The following MIS18BP1 variants were observed in gnomAD, a reference collection of about 807,000 sequenced individuals.
The protein encoded by MIS18BP1 is MIS18 binding protein 1.
MIS18BP1 carries 72 observed loss-of-function variants against 116.1 expected under a neutral mutation model. The ratio of observed to expected loss-of-function variants is 0.62; its 90% confidence interval spans 0.51 to 0.75. The LOEUF (loss-of-function observed/expected upper bound fraction) is 0.75. Ranked by LOEUF, MIS18BP1 falls within the 30% of genes least tolerant of loss-of-function variation. MIS18BP1 has a pLI of 0.00. For missense variants in MIS18BP1, 1,363 were observed against 1,303.2 expected, an observed-to-expected ratio of 1.05 and a Z score of -0.71; for synonymous variants, 386 against 427.0, an observed-to-expected ratio of 0.90 and a Z score of 1.18.
At chr14:45,226,714 T>A in intron 10 of MIS18BP1, 29 bp downstream of exon 10, 1 of 1,321,734 alleles carries the variant, frequency 7.6e-7, no homozygotes, top group Non-Finnish European at 9.9e-7. Flanking sequence ...TTTCTGCTTA[T>A]GATTAAAAAA....
intron 8 of MIS18BP1, 67 bp downstream of exon 8, chr14:45,231,074 C>T: frequency 6.6e-7 from 1 of 1,513,558 alleles, no homozygotes; most frequent in South Asian, 1.2e-5. Flanking sequence ...CATTATAAAC[C>T]ATAAACAATG....
chr14:45,207,650 C>A (rs941270100), intron 14 of MIS18BP1, among the ~76,000 whole-genome samples: 11 of 152,078 alleles, frequency 7.2e-5, no homozygotes, highest in African/African-American at 2.4e-4. Context: ...CACAAACAAA[C>A]AAAAAACAAA....
chr14:45,206,751 G>A (rs926731278), intron 14 of MIS18BP1, among the ~76,000 whole-genome samples: 13 of 151,836 alleles, frequency 8.6e-5, no homozygotes, highest in South Asian at 6.2e-4. Flanking sequence ...TCATTGTACC[G>A]TCTACGCTCT....
chr14:45,247,055 T>C lies in MIS18BP1; in HGVS notation c.232A>G (p.Thr78Ala), dbSNP rs1288544931. 3 of 1,613,250 alleles carry C rather than the reference T, an allele frequency of 1.9e-6. No homozygotes were observed. Among genetic ancestry groups the C allele is most frequent in the Middle Eastern group, 1.7e-4 (1 of 6,056 alleles). Residue 78 changes from threonine (T) to alanine (A), a missense_variant, in exon 2 of 17, where the codon ACT (threonine) becomes GCT (alanine). By Grantham distance (58) the Thr-to-Ala change is moderately conservative (BLOSUM62 0). Coordinates refer to ENST00000310806, the MANE Select transcript of MIS18BP1 (RefSeq NM_018353.5). Reference protein sequence around the residue: ...TFNNKNIFQSTMLTEATTSNS... With the variant: ...TFNNKNIFQSAMLTEATTSNS... ...GAGGTAGTAGCCTCTGTTAGCATAGTTGATTGAAATATATTTTTATTGTTA... is the reference window on the plus strand; with the variant it reads ...GAGGTAGTAGCCTCTGTTAGCATAGCTGATTGAAATATATTTTTATTGTTA...
Position 45,223,925 on chromosome 14 carries a change from G to A in MIS18BP1, c.2662C>T (p.Leu888Phe). The A allele has an allele frequency of 6.4e-7, 1 of 1,569,284 alleles. No homozygotes were observed. Among genetic ancestry groups the A allele is most frequent in the Admixed American group, 2.0e-5 (1 of 49,640 alleles). ...TGAAATCTAACTACTTACCAATGAAGTTTCTGTAACTCCTTCTCATTCCAT... is the reference window on the plus strand; with the variant it reads ...TGAAATCTAACTACTTACCAATGAAATTTCTGTAACTCCTTCTCATTCCAT... Reference protein sequence around the residue: ...KEWNEKELQKLHCAFASLPKH... With the variant: ...KEWNEKELQKFHCAFASLPKH... Residue 888 changes from leucine to phenylalanine, a missense_variant, in exon 11 of 17, where the codon CTT becomes TTT. Transcript: ENST00000310806.
In MIS18BP1 at chr14:45,253,142, C is replaced by G. The variant is rs528858306; in HGVS notation, c.-199G>C. On this transcript the variant is annotated 5_prime_UTR_variant, in exon 1 of 17. Coordinates refer to ENST00000310806, the MANE Select transcript of MIS18BP1 (RefSeq NM_018353.5). ...TCGCGCCTCAGGCCCACGGTGTATC[C>G]TGCCCGCGGCGGCCAGGCGCCAAGC... 6.6e-6 allele frequency: 1 copy of G among 152,304 alleles called. No homozygotes were observed. Among genetic ancestry groups the G allele is most frequent in the Non-Finnish European group, 1.5e-5 (1 of 68,092 alleles). 9.4% of individuals were successfully genotyped at this position (152,304 alleles called of 1,614,324 possible). A position where few individuals can be genotyped will look rare whatever the true frequency, so the allele number is the denominator to read the frequency against.
chr14:45,243,818 T>G (rs748222827), intron 2 of MIS18BP1, among the ~76,000 whole-genome samples: 3 of 152,174 alleles, frequency 2.0e-5, no homozygotes, highest in Non-Finnish European at 4.4e-5. Flanking sequence ...CAGGTTCATG[T>G]AGACTCTCTA....
chr14:45,217,264 A>C, intron 12 of MIS18BP1, 85 bp from the exon 13 acceptor site: 1 of 1,451,292 alleles, frequency 6.9e-7, no homozygotes, highest in East Asian at 2.3e-5. Flanking sequence ...GCAAAGTCTA[A>C]ATTGTGCATT....
intron 16 of MIS18BP1, 61 bp downstream of exon 16, chr14:45,204,338 T>C: frequency 6.5e-7 from 1 of 1,548,026 alleles, no homozygotes; most frequent in Admixed American, 2.0e-5. Context: ...TAATACCATT[T>C]AAATAAAGAA....
chr14:45,206,234 T>C, intron 14 of MIS18BP1, 64 bp from the exon 15 acceptor site: 1 of 1,077,220 alleles, frequency 9.3e-7, no homozygotes, highest in African/African-American at 1.6e-5. Flanking sequence ...AATTTTAAGT[T>C]AACTGTCATA....
rs1040045873 is a variant in MIS18BP1, at chr14:45,229,435, TTGAGGCTGCAG to T, written c.1595-1632_1595-1622del. ...GGGAGGATTGCTTGAACCAAGGAGGTTGAGGCTGCAGTGAGCCATGATTGCACCACTATATT... is the reference window on the plus strand; with the variant it reads ...GGGAGGATTGCTTGAACCAAGGAGGTTGAGCCATGATTGCACCACTATATT... On this transcript the variant is annotated intron_variant, in intron 8 of 16. Transcript: ENST00000310806. 6.6e-5 allele frequency among the ~76,000 whole-genome samples: 10 copies of T among 151,690 alleles called. No individual in the cohort carries two copies. The East Asian group carries it at 1.4e-3, about 21-fold the overall frequency.
At chr14:45,249,129 T>C (rs1380961586) in intron 1 of MIS18BP1, among the ~76,000 whole-genome samples, 1 of 152,134 alleles carries the variant, frequency 6.6e-6, no homozygotes, top group African/African-American at 2.4e-5. Flanking sequence ...TCTTGCTCTG[T>C]TGCCCAGGCT....
intron 14 of MIS18BP1, 115 bp downstream of exon 14, chr14:45,210,265 A>AT: frequency 9.0e-7 from 1 of 1,112,418 alleles, no homozygotes; most frequent in African/African-American, 1.6e-5. Flanking sequence ...CACATTCTTG[A>AT]TTTTTTAAAT....
intron 4 of MIS18BP1, among the ~76,000 whole-genome samples, chr14:45,238,934 T>A (rs1338838216): frequency 6.6e-6 from 1 of 152,196 alleles, no homozygotes; most frequent in Non-Finnish European, 1.5e-5. Context: ...GCTTCTGTTT[T>A]TAAGCCCCTT....
intron 1 of MIS18BP1, among the ~76,000 whole-genome samples, chr14:45,249,157 T>A (rs969603106): frequency 6.6e-6 from 1 of 152,056 alleles, no homozygotes; most frequent in Admixed American, 6.6e-5. Flanking sequence ...AGTGATGCGA[T>A]CTTGACTCAC....
chr14:45,244,520 C>T (rs981946336), intron 2 of MIS18BP1, among the ~76,000 whole-genome samples: 3 of 152,148 alleles, frequency 2.0e-5, no homozygotes. Flanking sequence ...CCTTCTGTCA[C>T]TTCATTCTAT....
intron 7 of MIS18BP1, 27 bp from the exon 8 acceptor site, chr14:45,231,325 C>A: frequency 6.6e-7 from 1 of 1,521,476 alleles, no homozygotes. Flanking sequence ...TTTATTTTTC[C>A]TTAATACTGA....
chr14:45,223,466 A>G (rs1340636887), intron 11 of MIS18BP1, among the ~76,000 whole-genome samples: 3 of 152,148 alleles, frequency 2.0e-5, no homozygotes, highest in Non-Finnish European at 2.9e-5. Flanking sequence ...AGTCCCAGCT[A>G]CTCAGGAGGC....
intron 14 of MIS18BP1, among the ~76,000 whole-genome samples, chr14:45,208,258 G>A (rs1441500480): frequency 2.0e-5 from 3 of 150,708 alleles, no homozygotes. Flanking sequence ...GTTTTATGAT[G>A]AACATCTGTG....
Sources: allele counts gnomAD v4.1 joint callset (sites outside exome capture counted in the v4.1 genomes callset), GRCh38; gene constraint gnomAD v4.1.1; transcripts MANE v1.5; gene names NCBI Gene and HGNC (gene_info 2026-07-23, HGNC 2026-07-21).